The following LRP8 variants were observed in gnomAD, a reference collection of about 807,000 sequenced individuals.
LRP8 encodes the protein low-density lipoprotein receptor-related protein 8.
A neutral mutation model predicts 111.6 loss-of-function variants in LRP8; 46 were observed. The observed-to-expected ratio is 0.41, with a 90% CI of 0.33 to 0.53. The LOEUF is 0.53. Ranked by LOEUF, LRP8 falls within the 20% of genes least tolerant of loss-of-function variation. The pLI is 0.20. For synonymous variants in LRP8, 464 were observed against 511.2 expected (o/e 0.91, Z 1.24); for missense variants, 959 against 1,297.4 (o/e 0.74, Z 4.01).
At chr1:53,290,063 A>G (rs886468812) in intron 2 of LRP8, among the ~76,000 whole-genome samples, 3 of 151,826 alleles carry the variant, frequency 2.0e-5, no homozygotes, top group African/African-American at 7.3e-5. Flanking sequence ...TGCCTGTCCC[A>G]CTTTCCCCAA....
intron 2 of LRP8, among the ~76,000 whole-genome samples, chr1:53,290,003 C>T (rs907183646): frequency 6.6e-6 from 1 of 152,208 alleles, no homozygotes; most frequent in Non-Finnish European, 1.5e-5. Context: ...TTCCCTGATA[C>T]CCTACAGCAG....
chr1:53,322,709 G>A (rs983459886), intron 2 of LRP8, among the ~76,000 whole-genome samples: 3 of 152,210 alleles, frequency 2.0e-5, no homozygotes, highest in African/African-American at 7.2e-5. Context: ...CCACACTGTC[G>A]TCAGATGGCT....
Position 53,266,453 on chromosome 1 carries a change from C to G in LRP8, c.1427+20G>C. On this transcript the variant is annotated intron_variant, in intron 9 of 18. Transcript: ENST00000306052. This position sits in a 1 kb window ranked among gnomAD's most constrained non-coding sequence, Gnocchi z 5.0. ...CACCCCCACTCTTCATGCCTTGCTG[C>G]AGAGGATATGGCCGCTCACCTATAG... 6.2e-7 allele frequency: 1 copy of G among 1,610,960 alleles called. No homozygotes were observed. Among genetic ancestry groups the G allele is most frequent in the Non-Finnish European group, 8.5e-7 (1 of 1,177,438 alleles).
At position 53,245,932 on chromosome 1, in the gene LRP8, C is replaced by T. The variant is rs952584456; in HGVS notation, c.*1086G>A. The T allele has an allele frequency of 1.3e-5, 2 of 152,650 alleles. No homozygotes were observed. The highest frequency in any genetic ancestry group is 4.8e-5 in the African/African-American group (2 of 41,448). 9.5% of individuals were successfully genotyped at this position (152,650 alleles called of 1,614,324 possible). A position where few individuals can be genotyped will look rare whatever the true frequency, so the allele number is the denominator to read the frequency against. ...TCTCCACTTAGCTCTGTAAGGATGG[C>T]ACCCTTCAGGGTGCTTCAGAGGAAA... On this transcript the variant is annotated 3_prime_UTR_variant, in exon 19 of 19. Transcript: ENST00000306052.
intron 4 of LRP8, among the ~76,000 whole-genome samples, chr1:53,278,694 C>T (rs1162438177): frequency 6.6e-6 from 1 of 151,872 alleles, no homozygotes. Context: ...TGTCCCCACC[C>T]AACTTGTGCA....
Position 53,262,980 on chromosome 1 carries a change from T to C in LRP8, c.1656-416A>G, listed in dbSNP as rs1211886701. ...GTCTCCTCAGGCCTACTAGGGCCAG[T>C]AGCAGCCCACTGTTACTAATCCAAG... is the stretch of plus-strand genomic sequence containing the variant. On this transcript the variant is annotated intron_variant, in intron 10 of 18. Transcript: ENST00000306052. This position sits in a 1 kb window ranked among gnomAD's most constrained non-coding sequence, Gnocchi z 4.8. Among the ~76,000 whole-genome samples, 1 of 152,210 alleles carries C rather than the reference T, an allele frequency of 6.6e-6. No homozygotes were observed. The highest frequency in any genetic ancestry group is 2.4e-5 in the African/African-American group (1 of 41,452).
intron 4 of LRP8, among the ~76,000 whole-genome samples, chr1:53,278,150 A>C (rs1646987045): frequency 6.6e-6 from 1 of 152,242 alleles, no homozygotes; most frequent in Non-Finnish European, 1.5e-5. Flanking sequence ...CACACAGTCC[A>C]TGACAACAAG....
intron 2 of LRP8, among the ~76,000 whole-genome samples, chr1:53,319,431 G>A (rs927972731): frequency 6.6e-6 from 1 of 152,198 alleles, no homozygotes; most frequent in African/African-American, 2.4e-5. Flanking sequence ...CATGGGAACT[G>A]TGTGCACCAC....
In LRP8 at chr1:53,249,506, C is replaced by A; in HGVS notation, c.2727G>T (p.Glu909Asp). The change falls in exon 18 of 19, where the codon GAG becomes GAT. Residue 909 changes from glutamate (E) to aspartate (D), a missense_variant. This residue lies in a region of LRP8 where 819 missense variants were observed against 1,097.6 expected (regional missense o/e 0.75). Transcript: ENST00000306052. This position sits in a 1 kb window ranked among gnomAD's most constrained non-coding sequence, Gnocchi z 4.1. Reference sequence around the variant, plus strand: ...GGGCTGGGTCTTCCGGTTCTCTGGTCTCCCCAAGACAGGGCTCTGCCCACA... The same window carrying A: ...GGGCTGGGTCTTCCGGTTCTCTGGTATCCCCAAGACAGGGCTCTGCCCACA... Reference protein sequence around the residue: ...RPLWAEPCLGETREPEDPAPA... With the variant: ...RPLWAEPCLGDTREPEDPAPA... The A allele has an allele frequency of 6.2e-7, 1 of 1,613,126 alleles. No homozygotes were observed. The highest frequency in any genetic ancestry group is 8.5e-7 in the Non-Finnish European group (1 of 1,179,224).
In LRP8 at chr1:53,266,033, C is replaced by T. The variant is rs1435523377; in HGVS notation, c.1427+440G>A. Among the ~76,000 whole-genome samples the T allele has an allele frequency of 2.8e-4, 43 of 151,930 alleles. No individual in the cohort carries two copies. Among genetic ancestry groups the T allele is most frequent in the Admixed American group, 2.8e-3 (43 of 15,238 alleles). On this transcript the variant is annotated intron_variant, in intron 9 of 18. Transcript: ENST00000306052. The surrounding 1 kb of genome is among the most constrained non-coding windows in gnomAD (Gnocchi z 5.0). ...GCCCAGGTGGGTTCGGAGGCCTCCTCTGTACTTTCTCATGATCATCACAAA... is the reference window on the plus strand; with the variant it reads ...GCCCAGGTGGGTTCGGAGGCCTCCTTTGTACTTTCTCATGATCATCACAAA...
intron 8 of LRP8, among the ~76,000 whole-genome samples, chr1:53,269,985 T>C (rs974936213): frequency 6.6e-6 from 1 of 152,186 alleles, no homozygotes; most frequent in Admixed American, 6.5e-5. Flanking sequence ...TTGTGTGGAC[T>C]CCATATGCTG....
At chr1:53,301,460 G>A (rs1282531950) in intron 2 of LRP8, among the ~76,000 whole-genome samples, 2 of 152,188 alleles carry the variant, frequency 1.3e-5, no homozygotes, top group Admixed American at 6.5e-5. Context: ...GGTGGCGCAC[G>A]CCTGTAATGC....
intron 2 of LRP8, among the ~76,000 whole-genome samples, chr1:53,314,874 G>T (rs1472507670): frequency 6.6e-6 from 1 of 152,188 alleles, no homozygotes; most frequent in Non-Finnish European, 1.5e-5. Flanking sequence ...CACCTGGGCT[G>T]GGTGGAGCAG....
chr1:53,313,425 CCCT>C (rs1653361054), intron 2 of LRP8, among the ~76,000 whole-genome samples: 1 of 152,016 alleles, frequency 6.6e-6, no homozygotes, highest in Non-Finnish European at 1.5e-5. Context: ...CACCCTCCAC[CCCT>C]CCTTCCTCCA....
chr1:53,322,036 A>G (rs528464284), intron 2 of LRP8, among the ~76,000 whole-genome samples: 1 of 152,218 alleles, frequency 6.6e-6, no homozygotes, highest in South Asian at 2.1e-4. Context: ...AGACAGGAGC[A>G]GGGGAAGCAA....
chr1:53,260,332 A>G (rs757932512), intron 13 of LRP8, 132 bp downstream of exon 13: 6 of 791,866 alleles, frequency 7.6e-6, no homozygotes, highest in Admixed American at 2.4e-5. Flanking sequence ...CTCTACCAAC[A>G]AGAGGGATTG....
At position 53,249,717 on chromosome 1, in the gene LRP8, A is replaced by G. The variant is rs912766660; in HGVS notation, c.2677-161T>C. Among the ~76,000 whole-genome samples, 1 of 152,162 alleles carries G rather than the reference A, an allele frequency of 6.6e-6. No homozygotes were observed. Among genetic ancestry groups the G allele is most frequent in the African/African-American group, 2.4e-5 (1 of 41,448 alleles). ...AGCCTTTGCACATGCCTCTATCTGG[A>G]ATGCCATTTCCCTCCTTCTCTCCCG... is the stretch of plus-strand genomic sequence containing the variant. On this transcript the variant is annotated intron_variant, in intron 17 of 18. Transcript: ENST00000306052. The surrounding 1 kb of genome is among the most constrained non-coding windows in gnomAD (Gnocchi z 4.1).
intron 2 of LRP8, among the ~76,000 whole-genome samples, chr1:53,300,036 A>G (rs1165235501): frequency 2.0e-5 from 3 of 152,204 alleles, no homozygotes; most frequent in African/African-American, 7.2e-5. Context: ...CTGTCCTACC[A>G]AAGTCCTCTC....
chr1:53,286,662 CAG>C (rs1271903436), intron 3 of LRP8, among the ~76,000 whole-genome samples: 1 of 152,244 alleles, frequency 6.6e-6, no homozygotes, highest in African/African-American at 2.4e-5. Flanking sequence ...CAGAGGGAAA[CAG>C]AGCTGGGAGA....
Sources: gnomAD v4.1 joint callset for allele counts (sites outside exome capture counted in the v4.1 genomes callset) on GRCh38, gnomAD v4.1.1 for gene constraint, gnomAD v4.1.1 regional missense constraint, Gnocchi (gnomAD v3.1) non-coding constraint, MANE v1.5 for transcripts, NCBI Gene and HGNC (gene_info 2026-07-23, HGNC 2026-07-21) for gene names.